PPP1R12A: variants seen among roughly 807,000 people sequenced by gnomAD.
PPP1R12A encodes myosin binding subunit.
Under a neutral mutation model 139.6 loss-of-function variants are expected in PPP1R12A, and 19 were observed. The observed-to-expected ratio is 0.14, with a 90% confidence interval of 0.09 to 0.20. The LOEUF (loss-of-function observed/expected upper bound fraction) is 0.20, where lower values mean the gene tolerates loss of function less well. Among genes scored for constraint, PPP1R12A ranks in the 10% least tolerant of loss-of-function variants. PPP1R12A has a pLI of 1.00. For synonymous variants in PPP1R12A, 427 were observed against 420.6 expected (o/e 1.02, Z -0.19); for missense variants, 925 against 1,211.5 (o/e 0.76, Z 3.51).
intron 3 of PPP1R12A, 138 bp downstream of exon 3, chr12:79,845,164 C>G (rs1879231900): frequency 1.6e-6 from 1 of 634,210 alleles, no homozygotes; most frequent in Non-Finnish European, 2.7e-6. Flanking sequence ...CAGAAACATA[C>G]TGTACTATTG....
At chr12:79,859,476 T>C (rs1466470106) in intron 2 of PPP1R12A, among the ~76,000 whole-genome samples, 1 of 151,926 alleles carries the variant, frequency 6.6e-6, no homozygotes, top group Non-Finnish European at 1.5e-5. Flanking sequence ...GTTGGATGTT[T>C]ATAAAATAAA....
intron 1 of PPP1R12A, among the ~76,000 whole-genome samples, chr12:79,900,034 C>G (rs1024433033): frequency 2.6e-5 from 4 of 152,178 alleles, no homozygotes; most frequent in African/African-American, 9.7e-5. Flanking sequence ...AAGTTATGAA[C>G]TGTGTGTTAG....
chr12:79,840,970 T>C (rs1878632053), intron 3 of PPP1R12A, among the ~76,000 whole-genome samples: 1 of 151,984 alleles, frequency 6.6e-6, no homozygotes, highest in Non-Finnish European at 1.5e-5. Flanking sequence ...CGCCCTGACT[T>C]TGAATCTCAA....
chr12:79,851,788 C>G (rs1210187287), intron 2 of PPP1R12A, among the ~76,000 whole-genome samples: 1 of 152,218 alleles, frequency 6.6e-6, no homozygotes, highest in East Asian at 1.9e-4. Context: ...TCTTTTGCTA[C>G]AGTCCCTGAG....
chr12:79,903,349 G>A (rs1253231506), intron 1 of PPP1R12A, among the ~76,000 whole-genome samples: 3 of 151,998 alleles, frequency 2.0e-5, no homozygotes, highest in Non-Finnish European at 4.4e-5. Context: ...TACTCGGGAG[G>A]CTGAGGCAGG....
intron 1 of PPP1R12A, among the ~76,000 whole-genome samples, chr12:79,912,220 A>T (rs1188321235): frequency 6.6e-6 from 1 of 152,194 alleles, no homozygotes; most frequent in Non-Finnish European, 1.5e-5. Flanking sequence ...CACAGACTCC[A>T]TCCAAACTCT....
At chr12:79,816,570 A>C (rs1875414363) in intron 9 of PPP1R12A, among the ~76,000 whole-genome samples, 1 of 152,166 alleles carries the variant, frequency 6.6e-6, no homozygotes, top group Non-Finnish European at 1.5e-5. Flanking sequence ...GGTTCCAGAG[A>C]AGCAGGAAAA....
rs372461084 is a variant in PPP1R12A, at chr12:79,860,580, A to G, written c.368+12228T>C. 4.6e-5 allele frequency among the ~76,000 whole-genome samples: 7 copies of G among 152,366 alleles called. No homozygotes were observed. The East Asian group carries it at 1.3e-3, about 29-fold the overall frequency. On this transcript the variant is annotated intron_variant, in intron 2 of 24. Transcript: ENST00000450142. ...AAAAGATGGGGGGATTAATACTTCA[A>G]TAAAAATAATACTTTTATTAGCAAA...
intron 1 of PPP1R12A, among the ~76,000 whole-genome samples, chr12:79,932,705 G>A (rs554399305): frequency 2.6e-5 from 4 of 152,146 alleles, no homozygotes; most frequent in Non-Finnish European, 4.4e-5. Flanking sequence ...TGGTAAGTCT[G>A]ACAATTCTTG....
intron 1 of PPP1R12A, among the ~76,000 whole-genome samples, chr12:79,887,059 A>AAT (rs1429614069): frequency 6.6e-6 from 1 of 152,146 alleles, no homozygotes; most frequent in Non-Finnish European, 1.5e-5. Context: ...CCTACCACAT[A>AAT]TAACGTAATG....
intron 2 of PPP1R12A, among the ~76,000 whole-genome samples, chr12:79,850,181 T>G (rs1346090238): frequency 6.6e-6 from 1 of 152,192 alleles, no homozygotes; most frequent in Non-Finnish European, 1.5e-5. Context: ...TTTATAATAC[T>G]CTAGAAACTC....
intron 2 of PPP1R12A, among the ~76,000 whole-genome samples, chr12:79,871,938 G>C (rs1882617667): frequency 1.3e-5 from 2 of 152,178 alleles, no homozygotes; most frequent in South Asian, 4.1e-4. Flanking sequence ...CGTATAGTTA[G>C]TGGCAGAGTC....
intron 1 of PPP1R12A, among the ~76,000 whole-genome samples, chr12:79,894,575 T>G (rs1884960413): frequency 6.6e-6 from 1 of 152,042 alleles, no homozygotes; most frequent in Non-Finnish European, 1.5e-5. Flanking sequence ...CTGTCATAGA[T>G]CCCAAAAATG....
Position 79,788,894 on chromosome 12 carries a change from T to TCC in PPP1R12A, c.2667-113_2667-112dup, listed in dbSNP as rs1047215109. 13 of 902,254 alleles carry TCC rather than the reference T, an allele frequency of 1.4e-5. No homozygotes were observed. In the African/African-American group the frequency reaches 2.2e-4, roughly 15 times the overall value. The allele number at this position is 902,254 out of a possible 1,614,324, so 55.9% of individuals were successfully genotyped here. ...CAGTTCAAAAGAGTAGGTCACAGTC[T>TCC]CCCTCTGTTATCTGATTAATTTTTG... On this transcript the variant is annotated intron_variant, in intron 20 of 24. Coordinates refer to ENST00000450142, the MANE Select transcript of PPP1R12A (RefSeq NM_002480.3).
At chr12:79,922,484 C>A (rs1167951455) in intron 1 of PPP1R12A, among the ~76,000 whole-genome samples, 2 of 152,130 alleles carry the variant, frequency 1.3e-5, no homozygotes, top group Non-Finnish European at 2.9e-5. Context: ...AAATGTAGCA[C>A]ATACACACCA....
intron 1 of PPP1R12A, among the ~76,000 whole-genome samples, chr12:79,918,524 C>A (rs1369387152): frequency 6.6e-6 from 1 of 152,164 alleles, no homozygotes; most frequent in Non-Finnish European, 1.5e-5. Context: ...CCTTCATCAT[C>A]TAGTTGTCCA....
intron 4 of PPP1R12A, among the ~76,000 whole-genome samples, chr12:79,830,010 G>C (rs1439754547): frequency 1.3e-5 from 2 of 151,792 alleles, no homozygotes; most frequent in African/African-American, 2.4e-5. Flanking sequence ...GGGAGGGAGA[G>C]AAAATGTGAA....
intron 21 of PPP1R12A, chr12:79,787,826 CTTTCT>C (rs2136994921): frequency 6.6e-6 from 1 of 152,252 alleles, no homozygotes; most frequent in South Asian, 2.1e-4. Flanking sequence ...AATCAATCTA[CTTTCT>C]TTTGTTATAT....
At chr12:79,850,237 A>T (rs1242076657) in intron 2 of PPP1R12A, among the ~76,000 whole-genome samples, 1 of 152,238 alleles carries the variant, frequency 6.6e-6, no homozygotes, top group Non-Finnish European at 1.5e-5. Context: ...TTCCAAATCA[A>T]GACATGATCC....
Sources: allele counts gnomAD v4.1 joint callset (sites outside exome capture counted in the v4.1 genomes callset), GRCh38; gene constraint gnomAD v4.1.1; transcripts MANE v1.5; gene names NCBI Gene and HGNC (gene_info 2026-07-23, HGNC 2026-07-21).